The following GRIN2D variants were observed in gnomAD, a reference collection of about 807,000 sequenced individuals.
GRIN2D encodes glutamate ionotropic receptor NMDA type subunit 2D, also known as glutamate receptor ionotropic, NMDA 2D.
In GRIN2D, 37 loss-of-function variants were observed where a neutral mutation model predicts 103.2. That is an observed-to-expected ratio of 0.36 (90% CI 0.28 to 0.47). The LOEUF is 0.47. Ranked by LOEUF, GRIN2D falls within the 20% of genes least tolerant of loss-of-function variation. GRIN2D has a pLI of 1.00. For synonymous variants in GRIN2D, 845 were observed against 885.6 expected, an observed-to-expected ratio of 0.95 and a Z score of 0.81; for missense variants, 1,557 against 1,910.6, an observed-to-expected ratio of 0.81 and a Z score of 3.45.
intron 10 of GRIN2D, among the ~76,000 whole-genome samples, chr19:48,420,289 G>A (rs545632615): frequency 3.3e-5 from 5 of 151,942 alleles, no homozygotes; most frequent in East Asian, 1.9e-4. Context: ...TTAGCCGGGC[G>A]TGGTGACAGG....
chr19:48,400,784 G>A (rs773069994), intron 3 of GRIN2D, among the ~76,000 whole-genome samples: 1 of 152,112 alleles, frequency 6.6e-6, no homozygotes, highest in African/African-American at 2.4e-5. Flanking sequence ...CCTCATTTCC[G>A]GCCAGGTGCA....
intron 4 of GRIN2D, among the ~76,000 whole-genome samples, chr19:48,410,387 A>G (rs1175284933): frequency 6.6e-6 from 1 of 151,358 alleles, no homozygotes; most frequent in African/African-American, 2.4e-5. Flanking sequence ...AATTAGCTGG[A>G]CATGGTGGTG....
intron 11 of GRIN2D, among the ~76,000 whole-genome samples, chr19:48,424,398 G>A (rs1298136468): frequency 6.7e-6 from 1 of 149,770 alleles, no homozygotes; most frequent in African/African-American, 2.5e-5. Flanking sequence ...AGCCTCCCGA[G>A]TAGCTGGGAC....
At chr19:48,425,754 C>T (rs887955336) in intron 11 of GRIN2D, among the ~76,000 whole-genome samples, 2 of 152,048 alleles carry the variant, frequency 1.3e-5, no homozygotes, top group African/African-American at 2.4e-5. Flanking sequence ...GAGGCCTCAT[C>T]CCGTGTCTTT....
intron 4 of GRIN2D, among the ~76,000 whole-genome samples, chr19:48,410,312 G>A (rs894771035): frequency 6.7e-6 from 1 of 149,834 alleles, no homozygotes; most frequent in Non-Finnish European, 1.5e-5. Flanking sequence ...GGCGGATCAC[G>A]AGGTCAAGAG....
At chr19:48,429,939 A>T (rs1971135710) in intron 11 of GRIN2D, among the ~76,000 whole-genome samples, 1 of 152,112 alleles carries the variant, frequency 6.6e-6, no homozygotes. Flanking sequence ...TGTTTATTGT[A>T]TCACTTTGTG....
chr19:48,432,794 AT>A (rs1971174107), intron 11 of GRIN2D, among the ~76,000 whole-genome samples: 1 of 132,244 alleles, frequency 7.6e-6, no homozygotes, highest in Non-Finnish European at 1.6e-5. Context: ...TTTTTATTTC[AT>A]TTTGCTTTTT....
At chr19:48,403,978 G>A (rs182029933) in intron 3 of GRIN2D, among the ~76,000 whole-genome samples, 2 of 152,190 alleles carry the variant, frequency 1.3e-5, no homozygotes, top group Non-Finnish European at 2.9e-5. Flanking sequence ...AGTGGCTCAC[G>A]CCTGTAATTC....
Position 48,443,500 on chromosome 19 carries a change from C to T in GRIN2D, c.3574C>T (p.Pro1192Ser). 1.5e-6 allele frequency: 2 copies of T among 1,359,092 alleles called. No individual in the cohort carries two copies. The highest frequency in any genetic ancestry group is 5.4e-4 in the Middle Eastern group (2 of 3,716). The allele number at this position is 1,359,092 out of a possible 1,614,324, so 84.2% of individuals were successfully genotyped here. ...CGCCAGCCTGGAGCTGCTGCCGCCG[C>T]CGCGCCATCTCAGCTGCTCGCACGA... ...HCASLELLPPPRHLSCSHDGL... is the reference protein window; with the variant it reads ...HCASLELLPPSRHLSCSHDGL... The change falls in exon 14 of 14, where the codon CCG (proline) becomes TCG (serine). Residue 1192 changes from proline to serine, a missense_variant. This residue lies in a region of GRIN2D where 632 missense variants were observed against 572.8 expected (regional missense o/e 1.10). Coordinates refer to ENST00000263269, the MANE Select transcript of GRIN2D (RefSeq NM_000836.4). The surrounding 1 kb of genome is among the most constrained non-coding windows in gnomAD (Gnocchi z 8.9).
At chr19:48,441,357 T>C (rs1331149815) in intron 11 of GRIN2D, among the ~76,000 whole-genome samples, 20 of 134,334 alleles carry the variant, frequency 1.5e-4, no homozygotes, top group African/African-American at 6.0e-4. Flanking sequence ...AGTGAGACTC[T>C]GTCTCAAAAA....
intron 4 of GRIN2D, among the ~76,000 whole-genome samples, chr19:48,409,332 G>T (rs1394489385): frequency 1.4e-5 from 2 of 144,022 alleles, no homozygotes; most frequent in Admixed American, 1.4e-4. Context: ...AGGCGGGAGT[G>T]CAGTGATGTG....
intron 11 of GRIN2D, among the ~76,000 whole-genome samples, chr19:48,427,518 T>C (rs1268034502): frequency 1.2e-4 from 17 of 143,562 alleles, no homozygotes; most frequent in Non-Finnish European, 7.6e-5. Context: ...CTCACTCTGT[T>C]GTCCAGGCTG....
rs1314432550 is a variant in GRIN2D, at chr19:48,419,792, T to C, written c.2069T>C (p.Val690Ala). Residue 690 changes from valine to alanine, a missense_variant, in exon 10 of 14, where the codon GTG (valine) becomes GCG (alanine). Physicochemically the swap from Val to Ala is moderately conservative, Grantham distance 64. Transcript: ENST00000263269. ...ATCCAGGAGGAGTACGTGGATACTGTGTCTGGGCTCAGTGACCGCAAGGTG... is the reference window on the plus strand; with the variant it reads ...ATCCAGGAGGAGTACGTGGATACTGCGTCTGGGCTCAGTGACCGCAAGGTG... ...FMIQEEYVDT[V>A]SGLSDRKFQR... 6.2e-7 allele frequency: 1 copy of C among 1,612,344 alleles called. No individual in the cohort carries two copies. Among genetic ancestry groups the C allele is most frequent in the South Asian group, 1.1e-5 (1 of 90,996 alleles).
chr19:48,434,403 G>A (rs539288374), intron 11 of GRIN2D, among the ~76,000 whole-genome samples: 4 of 152,154 alleles, frequency 2.6e-5, no homozygotes, highest in African/African-American at 7.2e-5. Flanking sequence ...ACAGGCACAC[G>A]CAACCACACC....
Position 48,442,592 on chromosome 19 carries a change from A to C in GRIN2D, c.2674-8A>C. 6.7e-7 allele frequency: 1 copy of C among 1,499,030 alleles called. No homozygotes were observed. The highest frequency in any genetic ancestry group is 1.3e-5 in the South Asian group (1 of 77,990). 92.9% of individuals were successfully genotyped at this position (1,499,030 alleles called of 1,614,324 possible). A position where few individuals can be genotyped will look rare whatever the true frequency, so the allele number is the denominator to read the frequency against. On this transcript the variant is annotated splice_region_variant and splice_polypyrimidine_tract_variant and intron_variant, in intron 13 of 13. Coordinates refer to ENST00000263269, the MANE Select transcript of GRIN2D (RefSeq NM_000836.4). This position sits in a 1 kb window ranked among gnomAD's most constrained non-coding sequence, Gnocchi z 7.2. Reference sequence around the variant, plus strand: ...GCGCTGACCCCCGTCCTGTCCCCGGACCCGCAGGGCATGTACAGCTGCTGC... The same window carrying C: ...GCGCTGACCCCCGTCCTGTCCCCGGCCCCGCAGGGCATGTACAGCTGCTGC...
Position 48,421,456 on chromosome 19 carries a change from C to T in GRIN2D, c.2092-329C>T, listed in dbSNP as rs574383871. ...AAAAAAAAAGTGAACTATTTCTGAA[C>T]GGATTGGTAAATAGCAACAGCTCCC... On this transcript the variant is annotated intron_variant, in intron 10 of 13. Transcript: ENST00000263269. The surrounding 1 kb of genome is among the most constrained non-coding windows in gnomAD (Gnocchi z 4.8). 6.6e-6 allele frequency among the ~76,000 whole-genome samples: 1 copy of T among 151,522 alleles called. No individual in the cohort carries two copies.
chr19:48,416,097 C>T lies in GRIN2D; in HGVS notation c.1677C>T (p.Thr559=), dbSNP rs944559203. Residue 559 remains threonine, a synonymous_variant, in exon 8 of 14, where the codon ACC becomes ACT. Coordinates refer to ENST00000263269, the MANE Select transcript of GRIN2D (RefSeq NM_000836.4). Reference sequence around the variant, plus strand: ...ACTTCTCCGTCCCCTTCGTGGAGACCGGCATCAGCGTCATGGTGGCGCGCA... The same window carrying T: ...ACTTCTCCGTCCCCTTCGTGGAGACTGGCATCAGCGTCATGGTGGCGCGCA... ...IVDFSVPFVE[T]GISVMVARSN... 3.1e-6 allele frequency: 5 copies of T among 1,613,790 alleles called. No homozygotes were observed. Among genetic ancestry groups the T allele is most frequent in the African/African-American group, 2.7e-5 (2 of 74,900 alleles).
Position 48,431,351 on chromosome 19 carries a change from CT to C in GRIN2D, c.2252+9413del, listed in dbSNP as rs942878282. Among the ~76,000 whole-genome samples the C allele has an allele frequency of 9.8e-4, 149 of 152,246 alleles. 2 individuals carry two copies. The highest frequency in any genetic ancestry group is 3.5e-3 in the African/African-American group (145 of 41,548). On this transcript the variant is annotated intron_variant, in intron 11 of 13. Coordinates refer to ENST00000263269, the MANE Select transcript of GRIN2D (RefSeq NM_000836.4). Reference sequence around the variant, plus strand: ...TGGAGACATTGCAAATCTGAAAAGTCTTTTTTTCTGTCCTTGTACTTGATGG... The same window carrying C: ...TGGAGACATTGCAAATCTGAAAAGTCTTTTTTCTGTCCTTGTACTTGATGG...
chr19:48,411,349 A>ATAG (rs1970858049), intron 4 of GRIN2D, among the ~76,000 whole-genome samples: 1 of 148,906 alleles, frequency 6.7e-6, no homozygotes, highest in South Asian at 2.1e-4. Context: ...AATAATAATA[A>ATAG]TAATAATAAT....
Sources: allele counts gnomAD v4.1 joint callset (sites outside exome capture counted in the v4.1 genomes callset), GRCh38; gene constraint gnomAD v4.1.1; regional missense constraint gnomAD v4.1.1; non-coding constraint Gnocchi (gnomAD v3.1); transcripts MANE v1.5; gene names NCBI Gene and HGNC (gene_info 2026-07-23, HGNC 2026-07-21).